CTNNA2: variants seen among roughly 807,000 people sequenced by gnomAD.
The protein encoded by CTNNA2 is catenin alpha-2.
In CTNNA2, 42 loss-of-function variants were observed where a neutral mutation model predicts 101.0. The observed-to-expected ratio is 0.42, with a 90% CI of 0.32 to 0.54. The LOEUF (loss-of-function observed/expected upper bound fraction) is 0.54, where lower values mean the gene tolerates loss of function less well. Ranked by LOEUF, CTNNA2 falls within the 20% of genes least tolerant of loss-of-function variation. The pLI is 0.14. For missense variants in CTNNA2, 871 were observed against 1,223.1 expected, an observed-to-expected ratio of 0.71 and a Z score of 4.29; for synonymous variants, 450 against 456.4, an observed-to-expected ratio of 0.99 and a Z score of 0.18.
At position 80,400,425 on chromosome 2, in the gene CTNNA2, G is replaced by A. The variant is rs555636690; in HGVS notation, c.1137+7134G>A. ...CAGGATGTCCTCATATTGTGCCTTAGTGATTCCCATGGATGCTGCTGCTGA... is the reference window on the plus strand; with the variant it reads ...CAGGATGTCCTCATATTGTGCCTTAATGATTCCCATGGATGCTGCTGCTGA... On this transcript the variant is annotated intron_variant, in intron 8 of 18. Coordinates refer to ENST00000402739, the MANE Select transcript of CTNNA2 (RefSeq NM_001282597.3). Among the ~76,000 whole-genome samples, 87 of 152,228 alleles carry A rather than the reference G, an allele frequency of 5.7e-4. No homozygotes were observed. In the South Asian group the frequency reaches 0.018, roughly 32 times the overall value.
intron 2 of CTNNA2, among the ~76,000 whole-genome samples, chr2:79,247,378 G>T (rs1021435556): frequency 6.6e-6 from 1 of 152,180 alleles, no homozygotes; most frequent in African/African-American, 2.4e-5. Flanking sequence ...GAGCTTGAAA[G>T]TACCACATTT....
intron 4 of CTNNA2, among the ~76,000 whole-genome samples, chr2:79,497,517 G>A (rs1324824552): frequency 6.6e-6 from 1 of 152,108 alleles, no homozygotes; most frequent in Non-Finnish European, 1.5e-5. Context: ...GCTCTGTACA[G>A]CGTAATGTTA....
intron 18 of CTNNA2, among the ~76,000 whole-genome samples, chr2:80,638,779 A>C (rs1055284237): frequency 6.6e-6 from 1 of 152,240 alleles, no homozygotes; most frequent in African/African-American, 2.4e-5. Context: ...GGACTGGCCG[A>C]CTATGAAGCA....
chr2:79,484,574 T>G lies in CTNNA2; in HGVS notation c.-134-20480T>G, dbSNP rs139572103. Among the ~76,000 whole-genome samples, 763 of 152,276 alleles carry G rather than the reference T, an allele frequency of 5.0e-3. 2 individuals carry two copies. The highest frequency in any genetic ancestry group is 8.4e-3 in the Non-Finnish European group (572 of 68,020). ...TTGGTCTTTCTCTAAGGGTATTAGC[T>G]AGAAGTAGGTAACCAGCTGGTCTTC... On this transcript the variant is annotated intron_variant, in intron 4 of 21. Coordinates refer to the CTNNA2 transcript ENST00000466387.
intron 15 of CTNNA2, among the ~76,000 whole-genome samples, chr2:80,593,823 TTAA>T (rs1696718553): frequency 6.6e-6 from 1 of 152,176 alleles, no homozygotes; most frequent in Non-Finnish European, 1.5e-5. Flanking sequence ...TTTTAAAGGT[TTAA>T]TAATGTTCCA....
chr2:80,195,569 G>A (rs957564406), intron 7 of CTNNA2, among the ~76,000 whole-genome samples: 1 of 150,318 alleles, frequency 6.7e-6, no homozygotes, highest in African/African-American at 2.4e-5. Flanking sequence ...GAGATAATCG[G>A]ATTTAATCAT....
At chr2:80,214,746 C>A (rs555346703) in intron 7 of CTNNA2, among the ~76,000 whole-genome samples, 17 of 152,052 alleles carry the variant, frequency 1.1e-4, no homozygotes, top group African/African-American at 3.9e-4. Flanking sequence ...TTGGAGTTGC[C>A]CTTCTTGAGG....
intron 3 of CTNNA2, among the ~76,000 whole-genome samples, chr2:79,830,462 T>C (rs561033521): frequency 1.8e-4 from 27 of 151,700 alleles, no homozygotes; most frequent in Admixed American, 1.6e-3. Flanking sequence ...AGAAGTGGAG[T>C]GGGCTAAAAA....
At chr2:79,245,672 T>C (rs974561610) in intron 2 of CTNNA2, among the ~76,000 whole-genome samples, 3 of 152,220 alleles carry the variant, frequency 2.0e-5, no homozygotes, top group African/African-American at 7.2e-5. Context: ...ACATATCCTT[T>C]CAGTCCCACT....
chr2:80,130,346 C>T (rs1702348675), intron 7 of CTNNA2, among the ~76,000 whole-genome samples: 1 of 152,172 alleles, frequency 6.6e-6, no homozygotes, highest in Non-Finnish European at 1.5e-5. Context: ...AATTGGAGCA[C>T]ATTCAAGGTA....
At chr2:80,465,093 A>G (rs946375038) in intron 9 of CTNNA2, among the ~76,000 whole-genome samples, 4 of 152,178 alleles carry the variant, frequency 2.6e-5, no homozygotes, top group African/African-American at 2.4e-5. Context: ...GTTTTGAGTT[A>G]TTCATATTCT....
chr2:79,909,201 T>G (rs901835021), intron 6 of CTNNA2, among the ~76,000 whole-genome samples: 1 of 152,192 alleles, frequency 6.6e-6, no homozygotes, highest in Non-Finnish European at 1.5e-5. Context: ...TAATGCATAA[T>G]TAAGATGTTG....
intron 7 of CTNNA2, among the ~76,000 whole-genome samples, chr2:80,009,302 G>A (rs1424336675): frequency 6.6e-6 from 1 of 152,164 alleles, no homozygotes; most frequent in Non-Finnish European, 1.5e-5. Flanking sequence ...GCAGCCTTCT[G>A]TTTTTCTCTC....
At chr2:80,277,437 T>C (rs310774) in intron 7 of CTNNA2, among the ~76,000 whole-genome samples, 95,886 of 151,618 alleles carry the variant, frequency 0.63, 30,416 homozygotes, top group African/African-American at 0.67. Context: ...GGCCACCATC[T>C]TGAAGCTACC....
At chr2:80,478,920 G>T (rs966327819) in intron 9 of CTNNA2, among the ~76,000 whole-genome samples, 3 of 151,812 alleles carry the variant, frequency 2.0e-5, no homozygotes, top group Non-Finnish European at 4.4e-5. Flanking sequence ...GTGAAAACTG[G>T]CATTGGTGAG....
At chr2:79,889,704 A>C (rs1477161546) in intron 6 of CTNNA2, among the ~76,000 whole-genome samples, 1 of 152,140 alleles carries the variant, frequency 6.6e-6, no homozygotes, top group Non-Finnish European at 1.5e-5. Flanking sequence ...TTCTTCTCCT[A>C]CCCATCTTAA....
chr2:79,741,168 A>T (rs533574898), intron 2 of CTNNA2, among the ~76,000 whole-genome samples: 1 of 152,032 alleles, frequency 6.6e-6, no homozygotes, highest in Non-Finnish European at 1.5e-5. Flanking sequence ...AAAAAGATAG[A>T]CCCAACTTTT....
intron 7 of CTNNA2, among the ~76,000 whole-genome samples, chr2:80,148,679 T>A (rs1703502477): frequency 6.6e-6 from 1 of 152,236 alleles, no homozygotes; most frequent in African/African-American, 2.4e-5. Flanking sequence ...TCTGAGGCTT[T>A]GAAAGTTTAT....
intron 7 of CTNNA2, among the ~76,000 whole-genome samples, chr2:80,239,646 T>C (rs1573483579): frequency 6.6e-6 from 1 of 152,064 alleles, no homozygotes; most frequent in East Asian, 1.9e-4. Context: ...GCGTGGTGGC[T>C]CACATCTGTA....
Sources: allele counts gnomAD v4.1 joint callset (sites outside exome capture counted in the v4.1 genomes callset), GRCh38; gene constraint gnomAD v4.1.1; transcripts MANE v1.5; gene names NCBI Gene and HGNC (gene_info 2026-07-23, HGNC 2026-07-21).